Variants in YIPF6 observed in about 807,000 individuals in gnomAD.
YIPF6 encodes the protein Yip1 domain family member 6.
In YIPF6, 3 loss-of-function variants were observed where a neutral mutation model predicts 16.8. The ratio of observed to expected loss-of-function variants is 0.18; its 90% CI spans 0.08 to 0.46. The LOEUF is 0.46. YIPF6 is among the 20% of genes least tolerant of loss of function. The probability of loss-of-function intolerance (pLI) is 0.98; values close to 1 mark genes in which losing one functional copy is unlikely to be tolerated. For missense variants in YIPF6, 145 were observed against 184.9 expected, an observed-to-expected ratio of 0.78 and a Z score of 1.25; for synonymous variants, 67 against 61.9, an observed-to-expected ratio of 1.08 and a Z score of -0.38.
intron 3 of YIPF6, chrX:68,515,410 A>T (rs1164071139): frequency 9.0e-6 from 1 of 111,487 alleles, no homozygotes; most frequent in Admixed American, 9.5e-5. Context: ...AAGTGCTGGG[A>T]TTACAGGCAA....
intron 6 of YIPF6, among the ~76,000 whole-genome samples, chrX:68,526,747 A>C (rs1033590841): frequency 1.8e-5 from 2 of 111,845 alleles, no homozygotes; most frequent in Non-Finnish European, 3.8e-5. Context: ...GGTTTTTGTC[A>C]TTGGTTCTGT....
chrX:68,535,256 C>T lies in YIPF6; in HGVS notation c.*3257C>T, dbSNP rs1310250763. On this transcript the variant is annotated 3_prime_UTR_variant, in exon 7 of 7. Transcript: ENST00000462683. ...ATATTTGTCTTTTTATAAACAGTATCTCCCAAAATGTGATTAGAAGGCTAC... is the reference window on the plus strand; with the variant it reads ...ATATTTGTCTTTTTATAAACAGTATTTCCCAAAATGTGATTAGAAGGCTAC... 1 of 112,232 alleles carries T rather than the reference C, an allele frequency of 8.9e-6. No individual in the cohort carries two copies. 9.2% of individuals were successfully genotyped at this position (112,232 alleles called of 1,213,427 possible). A position where few individuals can be genotyped will look rare whatever the true frequency, so the allele number is the denominator to read the frequency against.
chrX:68,502,019 C>T (rs1233562418), intron 1 of YIPF6, among the ~76,000 whole-genome samples: 1 of 112,141 alleles, frequency 8.9e-6, no homozygotes, highest in East Asian at 2.8e-4. Context: ...GATAAATTAA[C>T]ACACTTAATA....
chrX:68,517,118 G>T (rs986544443), intron 3 of YIPF6, among the ~76,000 whole-genome samples: 1 of 107,310 alleles, frequency 9.3e-6, no homozygotes, highest in Non-Finnish European at 1.9e-5. Context: ...TACCGAACCC[G>T]ACCAAATCAC....
chrX:68,524,912 T>C (rs1343070340), intron 6 of YIPF6, among the ~76,000 whole-genome samples: 1 of 112,006 alleles, frequency 8.9e-6, no homozygotes, highest in Non-Finnish European at 1.9e-5. Context: ...CAGTCTATCA[T>C]TGATGGGCAT....
chrX:68,531,838 A>G, intron 6 of YIPF6, 43 bp from the exon 7 acceptor site: 1 of 877,605 alleles, frequency 1.1e-6, no homozygotes, highest in South Asian at 2.3e-5. Flanking sequence ...TGACAATATT[A>G]CTGTATTAAA....
chrX:68,528,794 AT>A (rs1021093449), intron 6 of YIPF6, among the ~76,000 whole-genome samples: 1 of 111,864 alleles, frequency 8.9e-6, no homozygotes, highest in Non-Finnish European at 1.9e-5. Context: ...TTCTTTAAGA[AT>A]GTTGAATATT....
At position 68,532,131 on chromosome X, in the gene YIPF6, T is replaced by G; in HGVS notation, c.*132T>G. 1 of 477,861 alleles carries G rather than the reference T, an allele frequency of 2.1e-6. No individual in the cohort carries two copies. The highest frequency in any genetic ancestry group is 3.5e-6 in the Non-Finnish European group (1 of 285,025). The allele number at this position is 477,861 out of a possible 1,213,427, so 39.4% of individuals were successfully genotyped here. A position where few individuals can be genotyped will look rare whatever the true frequency, so the allele number is the denominator to read the frequency against. On this transcript the variant is annotated 3_prime_UTR_variant, in exon 7 of 7. Coordinates refer to ENST00000462683, the MANE Select transcript of YIPF6 (RefSeq NM_173834.4). ...TTGATAACTGAGTAGGTGAGGAGAT[T>G]AAAAGGGAGCCATATAGCACTGTCA...
intron 1 of YIPF6, among the ~76,000 whole-genome samples, chrX:68,507,556 T>C (rs898057909): frequency 9.0e-6 from 1 of 111,323 alleles, no homozygotes; most frequent in Non-Finnish European, 1.9e-5. Context: ...GTGAGATGTC[T>C]TTCTTTGTTT....
At chrX:68,530,595 A>G (rs916722024) in intron 6 of YIPF6, among the ~76,000 whole-genome samples, 2 of 111,156 alleles carry the variant, frequency 1.8e-5, no homozygotes. Context: ...CCCTGGTGGC[A>G]TAGGCATCCG....
intron 4 of YIPF6, among the ~76,000 whole-genome samples, chrX:68,519,415 T>C (rs1296055758): frequency 8.9e-6 from 1 of 112,135 alleles, no homozygotes; most frequent in African/African-American, 3.2e-5. Context: ...TAACCAATGT[T>C]TGTATAATTT....
Position 68,499,098 on chromosome X carries a change from C to T in YIPF6, c.32C>T (p.Pro11Leu). The change falls in exon 1 of 7, where the codon CCG becomes CTG. Residue 11 changes from proline to leucine, a missense_variant. Physicochemically the swap from Pro to Leu is moderately conservative, Grantham distance 98 (BLOSUM62 -3). Coordinates refer to ENST00000462683, the MANE Select transcript of YIPF6 (RefSeq NM_173834.4). ...GAAGCGGAGGAGTCTCCAGGAGACC[C>T]GGGGACAGCATCGCCCAGGCCCCTG... MAEAEESPGD[P>L]GTASPRPLFA... is the part of the protein sequence containing the mutation. The T allele has an allele frequency of 5.9e-6, 7 of 1,188,260 alleles. No individual in the cohort carries two copies. The highest frequency in any genetic ancestry group is 1.9e-5 in the South Asian group (1 of 53,989).
rs1231489423 is a variant in YIPF6 at position 68,522,902 on chromosome X, G to T, written c.577G>T (p.Ala193Ser). The T allele has an allele frequency of 1.7e-6, 2 of 1,208,738 alleles. No homozygotes were observed. The highest frequency in any genetic ancestry group is 5.9e-5 in the East Asian group (2 of 33,723). The change falls in exon 6 of 7, where the codon GCC (alanine) becomes TCC (serine). Residue 193 changes from alanine (A) to serine (S), a missense_variant. Transcript: ENST00000462683. ...VRLFVVIVMF[A>S]WSIVASTAFL... Reference sequence around the variant, plus strand: ...GCTTTTTGTGGTGATTGTGATGTTTGCCTGGTCTATAGTTGGTAAGTATGT... The same window carrying T: ...GCTTTTTGTGGTGATTGTGATGTTTTCCTGGTCTATAGTTGGTAAGTATGT...
In YIPF6 at chrX:68,537,018, G is replaced by A. The variant is rs1000421511; in HGVS notation, c.*5019G>A. 1.8e-5 allele frequency: 2 copies of A among 111,580 alleles called. No homozygotes were observed. The highest frequency in any genetic ancestry group is 3.8e-5 in the Non-Finnish European group (2 of 53,104). The allele number at this position is 111,580 out of a possible 1,213,427, so 9.2% of individuals were successfully genotyped here. On this transcript the variant is annotated 3_prime_UTR_variant, in exon 7 of 7. Coordinates refer to ENST00000462683, the MANE Select transcript of YIPF6 (RefSeq NM_173834.4). ...CCTTTCTATTTGGGTTAAACTATGT[G>A]GGAGGAAAAAGTAACAGAGTAAAGG...
At chrX:68,509,402 G>A (rs1410201051) in intron 1 of YIPF6, among the ~76,000 whole-genome samples, 2 of 111,506 alleles carry the variant, frequency 1.8e-5, no homozygotes, top group Non-Finnish European at 3.8e-5. Flanking sequence ...ACAGGCATGA[G>A]CCACTGCACC....
In YIPF6 at chrX:68,537,043, G is replaced by A. The variant is rs953632984; in HGVS notation, c.*5044G>A. On this transcript the variant is annotated 3_prime_UTR_variant, in exon 7 of 7. Coordinates refer to ENST00000462683, the MANE Select transcript of YIPF6 (RefSeq NM_173834.4). Reference sequence around the variant, plus strand: ...GGGAGGAAAAAGTAACAGAGTAAAGGCTTTGCCTTAATGAAGTCAAGTGTT... The same window carrying A: ...GGGAGGAAAAAGTAACAGAGTAAAGACTTTGCCTTAATGAAGTCAAGTGTT... The A allele has an allele frequency of 8.9e-6, 1 of 111,898 alleles. No individual in the cohort carries two copies. Among genetic ancestry groups the A allele is most frequent in the Non-Finnish European group, 1.9e-5 (1 of 53,212 alleles). The allele number at this position is 111,898 out of a possible 1,213,427, so 9.2% of individuals were successfully genotyped here.
rs183263196 is a variant in YIPF6, at chrX:68,528,302, A to G, written c.593-3579A>G. On this transcript the variant is annotated intron_variant, in intron 6 of 6. Coordinates refer to ENST00000462683, the MANE Select transcript of YIPF6 (RefSeq NM_173834.4). ...CTGTTTTATCAGAGACTAGGATTGC[A>G]ACCCCTACTTTTTTTGCTTTCCATT... 5.4e-5 allele frequency among the ~76,000 whole-genome samples: 6 copies of G among 111,504 alleles called. No homozygotes were observed. In the East Asian group the frequency reaches 1.7e-3, roughly 31 times the overall value.
At chrX:68,526,949 T>C (rs2079150858) in intron 6 of YIPF6, among the ~76,000 whole-genome samples, 1 of 111,818 alleles carries the variant, frequency 8.9e-6, no homozygotes, top group Admixed American at 9.5e-5. Context: ...TTTTGTTGTG[T>C]CTTTGCCAGG....
rs987224581 is a variant in YIPF6 at position 68,533,481 on chromosome X, T to C, written c.*1482T>C. ...TCCCCAGTTTTTCTTTATCATATAA[T>C]TTAAATATTTATTCATTTTGTATTT... is the stretch of plus-strand genomic sequence containing the variant. On this transcript the variant is annotated 3_prime_UTR_variant, in exon 7 of 7. Transcript: ENST00000462683. 1 of 111,983 alleles carries C rather than the reference T, an allele frequency of 8.9e-6. No homozygotes were observed. The highest frequency in any genetic ancestry group is 1.9e-5 in the Non-Finnish European group (1 of 53,209). 9.2% of individuals were successfully genotyped at this position (111,983 alleles called of 1,213,427 possible).
Sources: allele counts gnomAD v4.1 joint callset (sites outside exome capture counted in the v4.1 genomes callset), GRCh38; gene constraint gnomAD v4.1.1; transcripts MANE v1.5; gene names NCBI Gene and HGNC (gene_info 2026-07-23, HGNC 2026-07-21).